ROBO1: variants seen among roughly 807,000 people sequenced by gnomAD.
The protein encoded by ROBO1 is roundabout guidance receptor 1.
A neutral mutation model predicts 195.9 loss-of-function variants in ROBO1; 149 were observed. The ratio of observed to expected loss-of-function variants is 0.76; its 90% confidence interval spans 0.67 to 0.87. The LOEUF is 0.87. Among genes scored for constraint, ROBO1 ranks in the 40% least tolerant of loss-of-function variants. The pLI, the probability that ROBO1 is intolerant of heterozygous loss-of-function variation, is 0.00. For synonymous variants in ROBO1, 816 were observed against 733.2 expected, an observed-to-expected ratio of 1.11 and a Z score of -1.82; for missense variants, 1,933 against 2,068.3, an observed-to-expected ratio of 0.93 and a Z score of 1.27.
At chr3:79,470,874 T>A (rs935888777) in intron 2 of ROBO1, among the ~76,000 whole-genome samples, 3 of 152,170 alleles carry the variant, frequency 2.0e-5, no homozygotes, top group Non-Finnish European at 4.4e-5. Context: ...CGTTTGTCTT[T>A]ATTAGCAGCA....
At chr3:78,736,647 C>T (rs2082398889) in intron 5 of ROBO1, among the ~76,000 whole-genome samples, 1 of 152,152 alleles carries the variant, frequency 6.6e-6, no homozygotes, top group African/African-American at 2.4e-5. Context: ...AGTGAAAAGA[C>T]AGAGCAAGAA....
chr3:78,869,466 C>G (rs2035408635), intron 4 of ROBO1, among the ~76,000 whole-genome samples: 1 of 152,100 alleles, frequency 6.6e-6, no homozygotes, highest in Non-Finnish European at 1.5e-5. Context: ...TTCAAGGATT[C>G]AGATGCTTTC....
In ROBO1 at chr3:79,624,602, AG is replaced by A. The variant is rs1299240564; in HGVS notation, c.-50-34642del. ...CAACAGAAATCAAAAAAGGCAAAGAAGGGCATTATATAATGGAAAAGGGAAC... is the reference window on the plus strand; with the variant it reads ...CAACAGAAATCAAAAAAGGCAAAGAAGGCATTATATAATGGAAAAGGGAAC... On this transcript the variant is annotated intron_variant, in intron 1 of 30. Coordinates refer to ENST00000464233, the MANE Select transcript of ROBO1 (RefSeq NM_002941.4). Among the ~76,000 whole-genome samples, 5 of 152,194 alleles carry A rather than the reference AG, an allele frequency of 3.3e-5. No individual in the cohort carries two copies. The South Asian group carries it at 8.3e-4, about 25-fold the overall frequency.
intron 4 of ROBO1, among the ~76,000 whole-genome samples, chr3:78,766,891 GTTAATTC>G (rs1446039730): frequency 7.2e-5 from 11 of 152,040 alleles, no homozygotes; most frequent in African/African-American, 2.4e-4. Context: ...GATTTTTATT[GTTAATTC>G]TGTTTATATG....
intron 5 of ROBO1, among the ~76,000 whole-genome samples, chr3:78,719,238 T>G (rs17375739): frequency 0.23 from 34,877 of 152,074 alleles, 4,094 homozygotes; most frequent in Non-Finnish European, 0.24. Context: ...CACGCAGTAG[T>G]CACTCCAAAT....
chr3:78,982,002 G>C (rs879837092), intron 3 of ROBO1, among the ~76,000 whole-genome samples: 11 of 152,036 alleles, frequency 7.2e-5, no homozygotes, highest in Admixed American at 7.2e-4. Context: ...AGACAGCCTT[G>C]TTCTGTATTC....
chr3:79,209,749 G>A (rs1430749074), intron 2 of ROBO1, among the ~76,000 whole-genome samples: 3 of 151,994 alleles, frequency 2.0e-5, no homozygotes, highest in African/African-American at 7.2e-5. Context: ...AAGTCAAATG[G>A]TTGCTGTTTG....
At chr3:78,970,520 T>A (rs1208021704) in intron 3 of ROBO1, among the ~76,000 whole-genome samples, 1 of 152,158 alleles carries the variant, frequency 6.6e-6, no homozygotes, top group Non-Finnish European at 1.5e-5. Context: ...GAAACTAAAA[T>A]CATAATTGTT....
At chr3:79,376,205 C>A (rs2036376974) in intron 2 of ROBO1, among the ~76,000 whole-genome samples, 1 of 152,138 alleles carries the variant, frequency 6.6e-6, no homozygotes, top group Non-Finnish European at 1.5e-5. Flanking sequence ...CACAAATTGC[C>A]TTATTTCCCA....
At chr3:79,096,707 T>C (rs1027719535) in intron 3 of ROBO1, among the ~76,000 whole-genome samples, 11 of 150,774 alleles carry the variant, frequency 7.3e-5, no homozygotes, top group African/African-American at 2.4e-4. Flanking sequence ...TATTTATATA[T>C]GTATATATAC....
At chr3:78,860,366 T>C (rs1415669782) in intron 4 of ROBO1, among the ~76,000 whole-genome samples, 1 of 140,664 alleles carries the variant, frequency 7.1e-6, no homozygotes, top group Non-Finnish European at 1.5e-5. Flanking sequence ...TAGTGGAAAA[T>C]GGTGGAGAAC....
In ROBO1 at chr3:78,938,947, A is replaced by T; in HGVS notation, c.173-20T>A. ...GGGAGCCTGCAGAAGAATTCACAAA[A>T]TATCTTCGTATATCACTTGAAAACA... On this transcript the variant is annotated intron_variant, in intron 3 of 30. Coordinates refer to ENST00000464233, the MANE Select transcript of ROBO1 (RefSeq NM_002941.4). 1 of 1,564,588 alleles carries T rather than the reference A, an allele frequency of 6.4e-7. No individual in the cohort carries two copies. The highest frequency in any genetic ancestry group is 8.7e-7 in the Non-Finnish European group (1 of 1,149,498).
intron 2 of ROBO1, among the ~76,000 whole-genome samples, chr3:79,280,131 CAAAGATACAAAACT>C (rs2031394907): frequency 6.6e-6 from 1 of 151,838 alleles, no homozygotes; most frequent in Admixed American, 6.6e-5. Context: ...GAGATTTGTC[CAAAGATACAAAACT>C]AAAGTTAGAC....
intron 4 of ROBO1, among the ~76,000 whole-genome samples, chr3:78,891,725 A>C (rs1366057603): frequency 6.6e-6 from 1 of 152,242 alleles, no homozygotes; most frequent in Non-Finnish European, 1.5e-5. Flanking sequence ...ACAAATTGTG[A>C]TATATTCATA....
At chr3:79,089,113 G>T (rs1294946272) in intron 3 of ROBO1, among the ~76,000 whole-genome samples, 2 of 151,972 alleles carry the variant, frequency 1.3e-5, no homozygotes, top group African/African-American at 4.8e-5. Context: ...GTTAACAAAA[G>T]AAAATACATC....
chr3:79,609,320 A>G (rs537271409), intron 1 of ROBO1, among the ~76,000 whole-genome samples: 4 of 152,088 alleles, frequency 2.6e-5, no homozygotes, highest in Admixed American at 2.0e-4. Flanking sequence ...TTTCACTCCT[A>G]TTAGGATGGC....
intron 2 of ROBO1, among the ~76,000 whole-genome samples, chr3:79,379,790 A>C (rs944017833): frequency 2.6e-5 from 4 of 152,176 alleles, no homozygotes; most frequent in Non-Finnish European, 4.4e-5. Context: ...AGGCGACAAA[A>C]ATCAGACTCA....
At chr3:78,802,190 A>C (rs2108580908) in intron 4 of ROBO1, among the ~76,000 whole-genome samples, 1 of 152,304 alleles carries the variant, frequency 6.6e-6, no homozygotes, top group Admixed American at 6.5e-5. Flanking sequence ...TGAATTTAAA[A>C]GACTTTCTTC....
At chr3:79,530,671 G>A (rs932299847) in intron 2 of ROBO1, among the ~76,000 whole-genome samples, 1 of 151,518 alleles carries the variant, frequency 6.6e-6, no homozygotes, top group Admixed American at 6.6e-5. Flanking sequence ...CTTCCTAGCT[G>A]ACTTGGCCTC....
Sources: allele counts gnomAD v4.1 joint callset (sites outside exome capture counted in the v4.1 genomes callset), GRCh38; gene constraint gnomAD v4.1.1; transcripts MANE v1.5; gene names NCBI Gene and HGNC (gene_info 2026-07-23, HGNC 2026-07-21).